The following PALM2AKAP2 variants were observed in gnomAD, a reference collection of about 807,000 sequenced individuals.
The protein encoded by PALM2AKAP2 is PALM2-AKAP2 fusion protein.
Under a neutral mutation model 71.5 loss-of-function variants are expected in PALM2AKAP2, and 37 were observed. That is an observed-to-expected ratio of 0.52 (90% CI 0.40 to 0.68). PALM2AKAP2 has a LOEUF of 0.68. PALM2AKAP2 is among the 30% of genes least tolerant of loss of function. The pLI is 0.00. For missense variants in PALM2AKAP2, 1,224 were observed against 1,191.8 expected, an observed-to-expected ratio of 1.03 and a Z score of -0.40; for synonymous variants, 468 against 478.8, an observed-to-expected ratio of 0.98 and a Z score of 0.29.
At chr9:109,859,659 T>C (rs1829260742) in intron 1 of PALM2AKAP2, among the ~76,000 whole-genome samples, 1 of 152,180 alleles carries the variant, frequency 6.6e-6, no homozygotes, top group Non-Finnish European at 1.5e-5. Context: ...AAATAATCAG[T>C]TGAAGAAAAG....
At chr9:109,899,322 A>G (rs955607233) in intron 3 of PALM2AKAP2, among the ~76,000 whole-genome samples, 1 of 152,168 alleles carries the variant, frequency 6.6e-6, no homozygotes, top group Admixed American at 6.5e-5. Flanking sequence ...CAAATCCTCT[A>G]TCTAATCAGT....
chr9:110,146,106 G>A (rs1045651155), intron 2 of PALM2AKAP2, among the ~76,000 whole-genome samples: 2 of 151,856 alleles, frequency 1.3e-5, no homozygotes, highest in African/African-American at 4.8e-5. Context: ...CACCGTGTTA[G>A]CCAGGATGGT....
chr9:109,790,238 G>A (rs1827078504), intron 1 of PALM2AKAP2, among the ~76,000 whole-genome samples: 1 of 151,916 alleles, frequency 6.6e-6, no homozygotes, highest in Non-Finnish European at 1.5e-5. Flanking sequence ...AGACAGCTTT[G>A]CAATACCAAA....
chr9:109,910,030 A>G (rs769066163), intron 3 of PALM2AKAP2, among the ~76,000 whole-genome samples: 17 of 152,214 alleles, frequency 1.1e-4, no homozygotes, highest in South Asian at 2.1e-4. Flanking sequence ...AGGTTGTTGC[A>G]GGCATTTAGG....
chr9:110,105,272 G>C (rs566193826), intron 1 of PALM2AKAP2, among the ~76,000 whole-genome samples: 1 of 152,214 alleles, frequency 6.6e-6, no homozygotes, highest in Non-Finnish European at 1.5e-5. Context: ...AGAGCATGCA[G>C]AGTGAACTTG....
At chr9:109,809,066 T>C (rs1827657104) in intron 1 of PALM2AKAP2, among the ~76,000 whole-genome samples, 1 of 152,212 alleles carries the variant, frequency 6.6e-6, no homozygotes, top group Non-Finnish European at 1.5e-5. Context: ...GGGGCCCTCA[T>C]GGAGAACCTC....
At chr9:109,723,894 T>C (rs1828439154) in intron 1 of PALM2AKAP2, among the ~76,000 whole-genome samples, 1 of 152,196 alleles carries the variant, frequency 6.6e-6, no homozygotes, top group South Asian at 2.1e-4. Flanking sequence ...ATTTGTTGTA[T>C]AGGAAAACAA....
intron 3 of PALM2AKAP2, among the ~76,000 whole-genome samples, chr9:110,166,519 C>G (rs183825030): frequency 6.6e-6 from 1 of 152,342 alleles, no homozygotes; most frequent in East Asian, 1.9e-4. Flanking sequence ...GAAAATTTCT[C>G]TATTTAACTA....
At chr9:110,119,413 T>A (rs1835437980) in intron 1 of PALM2AKAP2, among the ~76,000 whole-genome samples, 1 of 152,090 alleles carries the variant, frequency 6.6e-6, no homozygotes, top group Non-Finnish European at 1.5e-5. Flanking sequence ...TTTCTAGTCT[T>A]TTATTATTGC....
intron 6 of PALM2AKAP2, chr9:109,942,685 G>T: frequency 6.5e-7 from 1 of 1,549,258 alleles, no homozygotes; most frequent in South Asian, 1.2e-5. Context: ...TTTCATTCAA[G>T]CTGTGTACGC....
chr9:109,719,993 C>T (rs1315114710), intron 1 of PALM2AKAP2, among the ~76,000 whole-genome samples: 1 of 151,052 alleles, frequency 6.6e-6, no homozygotes, highest in African/African-American at 2.4e-5. Flanking sequence ...TATTTTTATT[C>T]CTTTTTTTTT....
chr9:109,766,838 G>C (rs1365099295), intron 1 of PALM2AKAP2, among the ~76,000 whole-genome samples: 2 of 152,158 alleles, frequency 1.3e-5, no homozygotes, highest in Non-Finnish European at 2.9e-5. Flanking sequence ...TTGAGGCACA[G>C]AGAGGTTAAG....
chr9:109,980,290 T>C (rs1832247172), intron 6 of PALM2AKAP2, among the ~76,000 whole-genome samples: 1 of 152,196 alleles, frequency 6.6e-6, no homozygotes, highest in Non-Finnish European at 1.5e-5. Flanking sequence ...AGTGAAAGAA[T>C]GGGGCTGATC....
chr9:109,990,067 C>CTTTTTTTTTTTTTT (rs35739397), intron 6 of PALM2AKAP2, among the ~76,000 whole-genome samples: 38 of 134,102 alleles, frequency 2.8e-4, no homozygotes, highest in Non-Finnish European at 3.8e-4. Context: ...TTCTTTCTTT[C>CTTTTTTTTTTTTTT]TTTTTTTTTT....
intron 2 of PALM2AKAP2, chr9:110,148,504 G>C (rs1836232433): frequency 6.6e-6 from 1 of 152,178 alleles, no homozygotes; most frequent in South Asian, 2.1e-4. Context: ...GTCACAGCTG[G>C]AACCGCACAA....
intron 1 of PALM2AKAP2, among the ~76,000 whole-genome samples, chr9:109,682,050 T>C (rs1564111246): frequency 6.6e-6 from 1 of 152,176 alleles, no homozygotes; most frequent in Non-Finnish European, 1.5e-5. Context: ...TGGTAATTTT[T>C]CCAAATCAAA....
upstream of PALM2AKAP2, among the ~76,000 whole-genome samples, chr9:109,776,330 T>C (rs1829348108): frequency 6.6e-6 from 1 of 152,224 alleles, no homozygotes; most frequent in South Asian, 2.1e-4. Flanking sequence ...AGTCATTTCA[T>C]GTGCCTTCCT....
intron 1 of PALM2AKAP2, among the ~76,000 whole-genome samples, chr9:109,757,108 C>A (rs1191473532): frequency 1.3e-5 from 2 of 152,034 alleles, no homozygotes. Context: ...ACTCTTTATC[C>A]CCACCTACCC....
chr9:110,161,591 A>G (rs1836599888), intron 3 of PALM2AKAP2, among the ~76,000 whole-genome samples: 1 of 152,180 alleles, frequency 6.6e-6, no homozygotes, highest in Non-Finnish European at 1.5e-5. Flanking sequence ...CCTAGGCAAG[A>G]CTACCCTTAG....
Sources: gnomAD v4.1 joint callset for allele counts (sites outside exome capture counted in the v4.1 genomes callset) on GRCh38, gnomAD v4.1.1 for gene constraint, MANE v1.5 for transcripts, NCBI Gene and HGNC (gene_info 2026-07-23, HGNC 2026-07-21) for gene names.